The following IFI16 variants were observed in gnomAD, a reference collection of about 807,000 sequenced individuals.
The protein encoded by IFI16 is interferon gamma inducible protein 16, also known as gamma-interferon-inducible protein 16.
Under a neutral mutation model 68.4 loss-of-function variants are expected in IFI16, and 49 were observed. That is an observed-to-expected ratio of 0.72 (90% CI 0.57 to 0.91). IFI16 has a LOEUF of 0.91. IFI16 is among the 40% of genes least tolerant of loss of function. The pLI is 0.00. For missense variants in IFI16, 878 were observed against 942.9 expected (o/e 0.93, Z 0.90); for synonymous variants, 307 against 315.0 (o/e 0.97, Z 0.27).
intron 7 of IFI16, among the ~76,000 whole-genome samples, chr1:159,042,822 A>AT (rs11389982): frequency 0.99 from 150,642 of 152,290 alleles, 74,523 homozygotes; most frequent in East Asian, 1. Flanking sequence ...GTCAACACTT[A>AT]CCCAGCTTGC....
At chr1:159,006,665 G>T (rs1397515388), upstream of IFI16, among the ~76,000 whole-genome samples, 3 of 152,128 alleles carry the variant, frequency 2.0e-5, no homozygotes, top group Non-Finnish European at 2.9e-5. Flanking sequence ...GAGAAGCAAG[G>T]CTGGGTGATT....
intron 6 of IFI16, among the ~76,000 whole-genome samples, chr1:159,023,412 G>A (rs1653461093): frequency 6.6e-6 from 1 of 151,914 alleles, no homozygotes; most frequent in Non-Finnish European, 1.5e-5. Context: ...TTTATGAATC[G>A]TTGCTGATTA....
intron 6 of IFI16, among the ~76,000 whole-genome samples, chr1:159,022,017 G>A (rs533227086): frequency 2.7e-4 from 35 of 131,848 alleles, no homozygotes; most frequent in African/African-American, 1.0e-3. Flanking sequence ...AGGCGGGAGT[G>A]CAGTGGCGCT....
At chr1:159,053,239 T>TA (rs1052491200) in intron 10 of IFI16, 2 of 229,392 alleles carry the variant, frequency 8.7e-6, no homozygotes, top group East Asian at 1.8e-4. Context: ...CCAGGCTCCT[T>TA]AAAAAATCCC....
chr1:159,053,751 T>A (rs1350911090), intron 11 of IFI16, 27 bp downstream of exon 11: 2 of 1,563,172 alleles, frequency 1.3e-6, no homozygotes, highest in Admixed American at 3.4e-5. Flanking sequence ...AACATCATTT[T>A]TCCAAGTGGC....
chr1:159,047,805 G>A (rs1655088807), intron 8 of IFI16, among the ~76,000 whole-genome samples: 1 of 150,056 alleles, frequency 6.7e-6, no homozygotes, highest in Admixed American at 6.7e-5. Flanking sequence ...TTAATTCAAA[G>A]CCGGAAACAG....
upstream of IFI16, among the ~76,000 whole-genome samples, chr1:159,004,905 G>A (rs1195663612): frequency 6.6e-6 from 1 of 152,082 alleles, no homozygotes; most frequent in Non-Finnish European, 1.5e-5. Flanking sequence ...GATAAAATAA[G>A]CAAATAAAGA....
At chr1:159,039,255 A>G (rs149326889) in intron 7 of IFI16, among the ~76,000 whole-genome samples, 10 of 152,354 alleles carry the variant, frequency 6.6e-5, no homozygotes, top group Non-Finnish European at 1.2e-4. Context: ...CTCTTCTTCC[A>G]TAGAAAATAC....
Position 159,046,813 on chromosome 1 carries a change from T to C in IFI16, c.1497+1349T>C, listed in dbSNP as rs1289381713. Among the ~76,000 whole-genome samples, 57 of 151,352 alleles carry C rather than the reference T, an allele frequency of 3.8e-4. 1 individual carries two copies. Among genetic ancestry groups the C allele is most frequent in the Non-Finnish European group, 5.9e-5 (4 of 67,648 alleles). On this transcript the variant is annotated intron_variant, in intron 8 of 11. Transcript: ENST00000295809. The stretch of plus-strand genomic sequence containing the variant: ...AGAATAGATCATATTTTCTCATTGT[T>C]TGCCTTCATAGGTACCTTTCTATTT...
intron 7 of IFI16, among the ~76,000 whole-genome samples, chr1:159,035,585 G>C (rs192775161): frequency 4.6e-5 from 7 of 152,074 alleles, no homozygotes; most frequent in African/African-American, 1.4e-4. Context: ...ATTTATTCTT[G>C]GGTGTCCACT....
intron 1 of IFI16, among the ~76,000 whole-genome samples, chr1:159,013,391 A>C (rs1652708027): frequency 6.6e-6 from 1 of 151,720 alleles, no homozygotes; most frequent in African/African-American, 2.4e-5. Flanking sequence ...GATGCTTTTG[A>C]TCTCCGGAAC....
intron 7 of IFI16, among the ~76,000 whole-genome samples, chr1:159,038,827 A>T (rs1049961666): frequency 6.6e-6 from 1 of 152,164 alleles, no homozygotes; most frequent in African/African-American, 2.4e-5. Context: ...ATCCTGAAGG[A>T]TTCTGAATAT....
chr1:159,021,427 T>G (rs766897867), intron 6 of IFI16, among the ~76,000 whole-genome samples: 1 of 152,222 alleles, frequency 6.6e-6, no homozygotes, highest in Non-Finnish European at 1.5e-5. Flanking sequence ...AATGCCGTTA[T>G]TTTGTTCCTT....
At position 159,018,214 on chromosome 1, in the gene IFI16, T is replaced by G. The variant is rs1312737982; in HGVS notation, c.550-15T>G. On this transcript the variant is annotated splice_polypyrimidine_tract_variant and intron_variant, in intron 4 of 11. Transcript: ENST00000295809. Reference sequence around the variant, plus strand: ...TTAGACATTTTTCTTTGTTCTCCTGTGCTATCATACACAGAACCCGAAAAC... The same window carrying G: ...TTAGACATTTTTCTTTGTTCTCCTGGGCTATCATACACAGAACCCGAAAAC... 3 of 1,606,600 alleles carry G rather than the reference T, an allele frequency of 1.9e-6. No homozygotes were observed. Among genetic ancestry groups the G allele is most frequent in the Non-Finnish European group, 2.6e-6 (3 of 1,175,428 alleles).
chr1:159,025,938 C>A (rs145820664), intron 6 of IFI16, among the ~76,000 whole-genome samples: 2 of 152,170 alleles, frequency 1.3e-5, no homozygotes, highest in Non-Finnish European at 2.9e-5. Flanking sequence ...GTCCTTTCCC[C>A]ACTTTGTGTT....
At chr1:159,043,247 T>TGTA (rs1654777574) in intron 7 of IFI16, among the ~76,000 whole-genome samples, 1 of 152,258 alleles carries the variant, frequency 6.6e-6, no homozygotes, top group South Asian at 2.1e-4. Context: ...GTAGAGCCCA[T>TGTA]GTGTAGTCAT....
In IFI16 at chr1:159,020,471, G is replaced by T; in HGVS notation, c.1103G>T (p.Arg368Leu). ...GATAAGCTCCAACTTTTCTGCTTTC[G>T]ACTTAGAAAAAAGAACCAGATGTCA... ...EGDKLQLFCF[R>L]LRKKNQMSKL... The change falls in exon 6 of 12, where the codon CGA becomes CTA. Residue 368 changes from arginine (R) to leucine (L), a missense_variant. Around this residue, in one of 4 missense-constraint regions of IFI16, gnomAD observed 443 missense variants for 421.8 expected, o/e 1.05. Coordinates refer to ENST00000295809, the MANE Select transcript of IFI16 (RefSeq NM_001376587.1). 6.2e-7 allele frequency: 1 copy of T among 1,613,294 alleles called. No homozygotes were observed. The highest frequency in any genetic ancestry group is 1.1e-5 in the South Asian group (1 of 90,978).
At chr1:159,013,016 G>T (rs1052795804) in intron 1 of IFI16, among the ~76,000 whole-genome samples, 2 of 152,024 alleles carry the variant, frequency 1.3e-5, no homozygotes, top group Non-Finnish European at 2.9e-5. Flanking sequence ...CTTTGTAGGT[G>T]ATCTATTCCT....
upstream of IFI16, among the ~76,000 whole-genome samples, chr1:159,002,543 T>TA (rs1463544493): frequency 3.3e-5 from 5 of 150,490 alleles, no homozygotes; most frequent in East Asian, 1.1e-3. Context: ...AATAGCACGA[T>TA]ACCGTTACTA....
Sources: gnomAD v4.1 joint callset for allele counts (sites outside exome capture counted in the v4.1 genomes callset) on GRCh38, gnomAD v4.1.1 for gene constraint, gnomAD v4.1.1 regional missense constraint, MANE v1.5 for transcripts, NCBI Gene and HGNC (gene_info 2026-07-23, HGNC 2026-07-21) for gene names.